Variants in GREB1L observed in about 807,000 individuals in gnomAD.
The protein encoded by GREB1L is GREB1 like retinoic acid receptor coactivator.
Under a neutral mutation model 200.8 loss-of-function variants are expected in GREB1L, and 17 were observed. That is an observed-to-expected ratio of 0.08 (90% confidence interval 0.06 to 0.13). GREB1L has a LOEUF of 0.13. GREB1L is among the 10% of genes least tolerant of loss of function. The probability of loss-of-function intolerance (pLI) is 1.00; values close to 1 mark genes in which losing one functional copy is unlikely to be tolerated. For synonymous variants in GREB1L, 789 were observed against 893.0 expected (o/e 0.88, Z 2.08); for missense variants, 1,657 against 2,367.7 (o/e 0.70, Z 6.23).
At chr18:21,443,435 G>C (rs981673517) in intron 10 of GREB1L, among the ~76,000 whole-genome samples, 1 of 152,106 alleles carries the variant, frequency 6.6e-6, no homozygotes, top group Non-Finnish European at 1.5e-5. Context: ...TCAAACTCCC[G>C]ACCTCAGGTG....
rs1271359920 is a variant in GREB1L, at chr18:21,524,900, T to G, written c.*2079T>G. 3 of 152,000 alleles carry G rather than the reference T, an allele frequency of 2.0e-5. No homozygotes were observed. Among genetic ancestry groups the G allele is most frequent in the African/African-American group, 7.2e-5 (3 of 41,414 alleles). The allele number at this position is 152,000 out of a possible 1,614,324, so 9.4% of individuals were successfully genotyped here. A position where few individuals can be genotyped will look rare whatever the true frequency, so the allele number is the denominator to read the frequency against. The stretch of plus-strand genomic sequence containing the variant: ...CTGCCTATTCTTTTCAAAGCCTATC[T>G]TACTAATGTTTGGATCTTTTAAAAT... On this transcript the variant is annotated 3_prime_UTR_variant, in exon 33 of 33. Transcript: ENST00000424526.
At chr18:21,275,931 T>G (rs2038155952) in intron 1 of GREB1L, among the ~76,000 whole-genome samples, 1 of 152,218 alleles carries the variant, frequency 6.6e-6, no homozygotes. Flanking sequence ...TAGTCTCAGT[T>G]TCCTGACCTC....
intron 21 of GREB1L, among the ~76,000 whole-genome samples, chr18:21,499,276 T>C (rs992988750): frequency 6.6e-6 from 1 of 152,036 alleles, no homozygotes; most frequent in African/African-American, 2.4e-5. Flanking sequence ...AACCAGGTCA[T>C]TTGAGGAGCG....
At chr18:21,416,415 A>T (rs1335793999) in intron 7 of GREB1L, among the ~76,000 whole-genome samples, 1 of 152,170 alleles carries the variant, frequency 6.6e-6, no homozygotes, top group African/African-American at 2.4e-5. Flanking sequence ...ATAAACCCAC[A>T]GATCCAAGAC....
At chr18:21,374,159 A>G (rs553589837) in intron 2 of GREB1L, among the ~76,000 whole-genome samples, 1 of 151,828 alleles carries the variant, frequency 6.6e-6, no homozygotes, top group African/African-American at 2.4e-5. Flanking sequence ...ACACCACCAC[A>G]TGCCCAGTTA....
intron 7 of GREB1L, among the ~76,000 whole-genome samples, chr18:21,417,634 A>C (rs2031766885): frequency 6.6e-6 from 1 of 152,168 alleles, no homozygotes; most frequent in Non-Finnish European, 1.5e-5. Flanking sequence ...ATGCTAAAGG[A>C]AGTCATTCAG....
intron 1 of GREB1L, among the ~76,000 whole-genome samples, chr18:21,247,273 A>T (rs919535526): frequency 6.6e-6 from 1 of 152,122 alleles, no homozygotes; most frequent in African/African-American, 2.4e-5. Context: ...TGATGTAGAG[A>T]ATTCACTATC....
intron 4 of GREB1L, among the ~76,000 whole-genome samples, chr18:21,389,616 C>T (rs2040710058): frequency 6.6e-6 from 1 of 152,110 alleles, no homozygotes; most frequent in Non-Finnish European, 1.5e-5. Flanking sequence ...CTGCTTTCTT[C>T]AGGCCTTCTC....
At chr18:21,340,321 G>A (rs900300303) in intron 1 of GREB1L, among the ~76,000 whole-genome samples, 4 of 151,964 alleles carry the variant, frequency 2.6e-5, no homozygotes, top group Non-Finnish European at 5.9e-5. Flanking sequence ...TTGGGATGCT[G>A]AGGCAGGGGA....
At chr18:21,269,935 A>G (rs1169204896) in intron 1 of GREB1L, among the ~76,000 whole-genome samples, 3 of 152,334 alleles carry the variant, frequency 2.0e-5, no homozygotes, top group Non-Finnish European at 2.9e-5. Flanking sequence ...AACTTAAAAC[A>G]TATTTTACTT....
intron 1 of GREB1L, chr18:21,317,642 T>C (rs2038891992): frequency 6.6e-6 from 1 of 151,980 alleles, no homozygotes; most frequent in Non-Finnish European, 1.5e-5. Flanking sequence ...AAAAAAAATT[T>C]AGTTTATCAA....
intron 1 of GREB1L, among the ~76,000 whole-genome samples, chr18:21,325,231 T>G (rs1001101523): frequency 5.3e-5 from 8 of 152,190 alleles, no homozygotes; most frequent in Non-Finnish European, 1.0e-4. Context: ...GAAGAGAGCG[T>G]TTTTGTGGAC....
intron 1 of GREB1L, among the ~76,000 whole-genome samples, chr18:21,320,607 C>CA (rs990070099): frequency 2.3e-4 from 34 of 150,502 alleles, no homozygotes; most frequent in Middle Eastern, 3.4e-3. Flanking sequence ...AGTAAAAATA[C>CA]AAAAAAAAAT....
intron 7 of GREB1L, among the ~76,000 whole-genome samples, chr18:21,434,648 G>T (rs1414884121): frequency 6.6e-6 from 1 of 150,890 alleles, no homozygotes; most frequent in Non-Finnish European, 1.5e-5. Flanking sequence ...AGGTTAAATG[G>T]CTGCTGCTAT....
At chr18:21,307,223 A>G (rs777879169) in intron 1 of GREB1L, among the ~76,000 whole-genome samples, 3 of 152,178 alleles carry the variant, frequency 2.0e-5, no homozygotes, top group Non-Finnish European at 4.4e-5. Context: ...GAGTTCTGCT[A>G]CATTCTCTCA....
chr18:21,414,754 C>T (rs1251149080), intron 7 of GREB1L, among the ~76,000 whole-genome samples: 1 of 152,078 alleles, frequency 6.6e-6, no homozygotes, highest in East Asian at 1.9e-4. Flanking sequence ...GGGAGAACAC[C>T]ACGGTTATAG....
chr18:21,426,057 ATT>A (rs201525429), intron 7 of GREB1L, among the ~76,000 whole-genome samples: 1,542 of 134,580 alleles, frequency 0.011, 18 homozygotes, highest in African/African-American at 0.038. Context: ...TTTTAGGTTA[ATT>A]TTTTTTTTTT....
chr18:21,359,452 A>C (rs1480251681), intron 1 of GREB1L, among the ~76,000 whole-genome samples: 1 of 152,220 alleles, frequency 6.6e-6, no homozygotes, highest in Non-Finnish European at 1.5e-5. Flanking sequence ...TCCATCTCAA[A>C]AAAAAATAAA....
rs1287016222 is a variant in GREB1L at position 21,520,921 on chromosome 18, C to T, written c.5608+98C>T. 11 of 1,039,862 alleles carry T rather than the reference C, an allele frequency of 1.1e-5. No homozygotes were observed. In the South Asian group the frequency reaches 1.4e-4, roughly 13 times the overall value. The allele number at this position is 1,039,862 out of a possible 1,614,324, so 64.4% of individuals were successfully genotyped here. ...TTTTTAAAAAGCACTTGAGGCCAGG[C>T]GCAGTGGCTCAACGCCTGTAATCTC... On this transcript the variant is annotated intron_variant, in intron 32 of 32. Transcript: ENST00000424526.
Sources: allele counts gnomAD v4.1 joint callset (sites outside exome capture counted in the v4.1 genomes callset), GRCh38; gene constraint gnomAD v4.1.1; transcripts MANE v1.5; gene names NCBI Gene and HGNC (gene_info 2026-07-23, HGNC 2026-07-21).